The following SGMS2 variants were observed in gnomAD, a reference collection of about 807,000 sequenced individuals.
The protein encoded by SGMS2 is sphingomyelin synthase 2.
Under a neutral mutation model 43.8 loss-of-function variants are expected in SGMS2, and 21 were observed. That is an observed-to-expected ratio of 0.48 (90% CI 0.34 to 0.69). SGMS2 has a LOEUF of 0.69. SGMS2 is among the 30% of genes least tolerant of loss of function. SGMS2 has a pLI of 0.01. For missense variants in SGMS2, 384 were observed against 443.2 expected (o/e 0.87, Z 1.20); for synonymous variants, 167 against 160.6 (o/e 1.04, Z -0.30).
chr4:107,908,216 G>A (rs994217600), intron 5 of SGMS2: 111 of 178,840 alleles, frequency 6.2e-4, no homozygotes, highest in African/African-American at 2.3e-3. Flanking sequence ...CAGTGGGAAA[G>A]TGGCTCCTTT....
chr4:107,845,716 C>T (rs1726770082), intron 1 of SGMS2, among the ~76,000 whole-genome samples: 1 of 152,148 alleles, frequency 6.6e-6, no homozygotes, highest in Non-Finnish European at 1.5e-5. Context: ...CAAGTCTTCT[C>T]TTAGGCATTG....
chr4:107,880,657 A>T lies in SGMS2; in HGVS notation c.-244-14653A>T, dbSNP rs1331282596. 3.9e-5 allele frequency among the ~76,000 whole-genome samples: 6 copies of T among 152,238 alleles called. No individual in the cohort carries two copies. The East Asian group carries it at 9.7e-4, about 24-fold the overall frequency. ...AATTACTTGAGGCCAGAGGTTCGAG[A>T]TCAACCTGGCCAACAAGACAAAACC... On this transcript the variant is annotated intron_variant, in intron 2 of 6. Transcript: ENST00000690982.
chr4:107,852,745 C>CTTTTTT, intron 1 of SGMS2, among the ~76,000 whole-genome samples: 1 of 112,830 alleles, frequency 8.9e-6, no homozygotes, highest in East Asian at 2.2e-4. Context: ...ACTTGTTTCT[C>CTTTTTT]ATTTTTTTTT....
chr4:107,866,836 G>T (rs1411160102), intron 2 of SGMS2: 2 of 152,040 alleles, frequency 1.3e-5, no homozygotes, highest in African/African-American at 4.8e-5. Context: ...ATATGGCCAA[G>T]AGTCTTAGAA....
chr4:107,837,063 TC>T (rs1299783927), intron 1 of SGMS2, among the ~76,000 whole-genome samples: 18 of 152,202 alleles, frequency 1.2e-4, no homozygotes, highest in Non-Finnish European at 8.8e-5. Flanking sequence ...TGAGATGCAG[TC>T]CCAAGCCCTC....
At chr4:107,882,886 A>G (rs546270058) in intron 2 of SGMS2, among the ~76,000 whole-genome samples, 1 of 152,164 alleles carries the variant, frequency 6.6e-6, no homozygotes, top group Non-Finnish European at 1.5e-5. Flanking sequence ...ATAAACATCT[A>G]TTATTCATTA....
intron 2 of SGMS2, among the ~76,000 whole-genome samples, chr4:107,862,089 G>T (rs558467531): frequency 1.2e-4 from 18 of 152,216 alleles, no homozygotes; most frequent in Non-Finnish European, 1.9e-4. Context: ...GGTGGTGGGG[G>T]CGGCTTTTCT....
chr4:107,903,189 T>C (rs1462687895), intron 4 of SGMS2, 44 bp from the exon 5 acceptor site: 7 of 1,594,422 alleles, frequency 4.4e-6, no homozygotes, highest in Non-Finnish European at 6.0e-6. Context: ...AACATGATTT[T>C]AGCCACTTGT....
chr4:107,858,393 ACCTCCACCC>A (rs1051081587), intron 1 of SGMS2, 70 bp from the exon 2 acceptor site: 1 of 151,892 alleles, frequency 6.6e-6, no homozygotes, highest in African/African-American at 2.4e-5. Context: ...TCTTCATTCC[ACCTCCACCC>A]CCAGAAAACT....
intron 2 of SGMS2, among the ~76,000 whole-genome samples, chr4:107,860,905 A>T (rs551372207): frequency 1.3e-5 from 2 of 152,182 alleles, no homozygotes; most frequent in Non-Finnish European, 2.9e-5. Context: ...GCCAATTCTC[A>T]TAGCTTAAAT....
chr4:107,877,913 C>CTTTT lies in SGMS2; in HGVS notation c.-244-17380_-244-17377dup, dbSNP rs774442653. On this transcript the variant is annotated intron_variant, in intron 2 of 6. Coordinates refer to ENST00000690982, the MANE Select transcript of SGMS2 (RefSeq NM_001375905.1). ...CTCTTTCTTTCTTTCTTTTTCTTTT[C>CTTTT]TTTTTTTTTTTTTTTTTTTTGAGAT... is the stretch of plus-strand genomic sequence containing the variant. Among the ~76,000 whole-genome samples the CTTTT allele has an allele frequency of 2.4e-3, 242 of 102,082 alleles. 6 individuals are homozygous for CTTTT. The highest frequency in any genetic ancestry group is 4.5e-3 in the African/African-American group (116 of 25,586). 67.0% of individuals were successfully genotyped at this position (102,082 alleles called of 152,430 possible).
In SGMS2 at chr4:107,846,916, GA is replaced by G. The variant is rs1726860676; in HGVS notation, c.-326-11555del. Among the ~76,000 whole-genome samples the G allele has an allele frequency of 2.0e-5, 3 of 151,994 alleles. No individual in the cohort carries two copies. The South Asian group carries it at 6.2e-4, about 32-fold the overall frequency. On this transcript the variant is annotated intron_variant, in intron 1 of 6. Coordinates refer to ENST00000690982, the MANE Select transcript of SGMS2 (RefSeq NM_001375905.1). ...TTTGGCTGCATAAATGTCTTCTTTT[GA>G]GAAGTGTCTGTTCATATCCTTTGCC...
rs371825531 is a variant in SGMS2, at chr4:107,905,503, C to A, written c.727+2117C>A. ...CTCTGTCCCAGGCACTATTCTAGGG[C>A]CTTGATGTAAATTAACTCATTTGAT... On this transcript the variant is annotated intron_variant, in intron 5 of 6. Coordinates refer to ENST00000690982, the MANE Select transcript of SGMS2 (RefSeq NM_001375905.1). Among the ~76,000 whole-genome samples, 4 of 152,110 alleles carry A rather than the reference C, an allele frequency of 2.6e-5. No homozygotes were observed. The East Asian group carries it at 5.8e-4, about 22-fold the overall frequency.
At chr4:107,860,180 G>A (rs543703580) in intron 2 of SGMS2, among the ~76,000 whole-genome samples, 9 of 151,932 alleles carry the variant, frequency 5.9e-5, no homozygotes, top group Middle Eastern at 3.4e-3. Flanking sequence ...AAAAGATAGC[G>A]TACTATATTT....
chr4:107,881,752 G>A (rs553246224), intron 2 of SGMS2, among the ~76,000 whole-genome samples: 15 of 151,692 alleles, frequency 9.9e-5, no homozygotes, highest in Non-Finnish European at 1.8e-4. Context: ...TACTTCACCC[G>A]CCCTGCCACC....
intron 2 of SGMS2, among the ~76,000 whole-genome samples, chr4:107,880,619 G>A (rs1729263024): frequency 6.6e-6 from 1 of 152,110 alleles, no homozygotes; most frequent in South Asian, 2.1e-4. Flanking sequence ...ACTTTAGGAG[G>A]CTGAGATGGG....
chr4:107,856,361 T>C (rs540168921), intron 1 of SGMS2, among the ~76,000 whole-genome samples: 14 of 152,330 alleles, frequency 9.2e-5, no homozygotes, highest in Middle Eastern at 3.4e-3. Context: ...ATTTCCAGTA[T>C]CTACCCTTTT....
intron 2 of SGMS2, among the ~76,000 whole-genome samples, 171 bp from the exon 3 acceptor site, chr4:107,895,139 T>C (rs903895626): frequency 8.5e-5 from 13 of 152,340 alleles, no homozygotes; most frequent in African/African-American, 3.1e-4. Flanking sequence ...ATAAAACTGT[T>C]CAGTATTTTG....
At chr4:107,841,722 G>C (rs1726518624) in intron 1 of SGMS2, among the ~76,000 whole-genome samples, 1 of 151,772 alleles carries the variant, frequency 6.6e-6, no homozygotes, top group Non-Finnish European at 1.5e-5. Flanking sequence ...GGAGTACTGT[G>C]GTGCAATCAC....
Sources: gnomAD v4.1 joint callset for allele counts (sites outside exome capture counted in the v4.1 genomes callset) on GRCh38, gnomAD v4.1.1 for gene constraint, MANE v1.5 for transcripts, NCBI Gene and HGNC (gene_info 2026-07-23, HGNC 2026-07-21) for gene names.